The following CNTN3 variants were observed in gnomAD, a reference collection of about 807,000 sequenced individuals.
CNTN3 encodes the protein contactin-3.
A neutral mutation model predicts 119.1 loss-of-function variants in CNTN3; 60 were observed. That is an observed-to-expected ratio of 0.50 (90% CI 0.41 to 0.62). The LOEUF is 0.62. Among genes scored for constraint, CNTN3 ranks in the 20% least tolerant of loss-of-function variants. The pLI is 0.00. For synonymous variants in CNTN3, 450 were observed against 438.7 expected (o/e 1.03, Z -0.32); for missense variants, 1,101 against 1,242.4 (o/e 0.89, Z 1.71).
At chr3:74,277,210 C>A (rs574181632) in intron 20 of CNTN3, among the ~76,000 whole-genome samples, 4 of 151,672 alleles carry the variant, frequency 2.6e-5, no homozygotes, top group South Asian at 2.1e-4. Context: ...CCATTGGAAC[C>A]AATCCTGTTT....
At chr3:74,392,199 G>A (rs1417441313) in intron 5 of CNTN3, among the ~76,000 whole-genome samples, 3 of 152,162 alleles carry the variant, frequency 2.0e-5, no homozygotes, top group Admixed American at 1.3e-4. Context: ...TTTAATTCAA[G>A]GACATTAATT....
At position 74,266,905 on chromosome 3, in the gene CNTN3, C is replaced by T. The variant is rs114854460; in HGVS notation, c.2818-256G>A. Among the ~76,000 whole-genome samples the T allele has an allele frequency of 6.8e-3, 1,035 of 152,142 alleles. 20 individuals carry two copies. The highest frequency in any genetic ancestry group is 0.023 in the African/African-American group (963 of 41,514). Reference sequence around the variant, plus strand: ...CCAGCTGGGCTGCGTATTTATGAGGCTGGAGAGATAAGGCAGGGCCATAGT... The same window carrying T: ...CCAGCTGGGCTGCGTATTTATGAGGTTGGAGAGATAAGGCAGGGCCATAGT... On this transcript the variant is annotated intron_variant, in intron 21 of 22. Transcript: ENST00000263665.
rs565169255 is a variant in CNTN3, at chr3:74,611,870, C to G, written c.-81+2521G>C. On this transcript the variant is annotated intron_variant, in intron 1 of 22. Coordinates refer to ENST00000263665, the MANE Select transcript of CNTN3 (RefSeq NM_020872.3). Reference sequence around the variant, plus strand: ...GGCAGACTGGTGGTGACAACTAAATCAGAGACAGCAGGCAAACATGCACAG... The same window carrying G: ...GGCAGACTGGTGGTGACAACTAAATGAGAGACAGCAGGCAAACATGCACAG... 5.3e-5 allele frequency among the ~76,000 whole-genome samples: 8 copies of G among 152,282 alleles called. No homozygotes were observed. The East Asian group carries it at 1.5e-3, about 29-fold the overall frequency.
intron 4 of CNTN3, among the ~76,000 whole-genome samples, chr3:74,432,433 A>C (rs148339283): frequency 6.6e-6 from 1 of 152,258 alleles, no homozygotes; most frequent in Non-Finnish European, 1.5e-5. Flanking sequence ...GTTTTACAAA[A>C]GTTTACAAAT....
intron 13 of CNTN3, among the ~76,000 whole-genome samples, chr3:74,332,162 T>C (rs534123637): frequency 1.3e-5 from 2 of 152,354 alleles, no homozygotes; most frequent in Admixed American, 6.5e-5. Context: ...GATATATCTA[T>C]GAACCCACTG....
intron 5 of CNTN3, among the ~76,000 whole-genome samples, chr3:74,396,439 A>C (rs1197659665): frequency 6.6e-6 from 1 of 152,208 alleles, no homozygotes; most frequent in Non-Finnish European, 1.5e-5. Context: ...CTTAAGCCAA[A>C]GCCTAATCCA....
At chr3:74,418,850 G>A (rs577690821) in intron 5 of CNTN3, among the ~76,000 whole-genome samples, 48 of 151,246 alleles carry the variant, frequency 3.2e-4, no homozygotes, top group Middle Eastern at 3.4e-3. Flanking sequence ...GTGCAATGGT[G>A]CGATCTCGGC....
rs558839061 is a variant in CNTN3 at position 74,475,308 on chromosome 3, A to G, written c.358+11148T>C. 9.2e-4 allele frequency among the ~76,000 whole-genome samples: 140 copies of G among 152,344 alleles called. 2 individuals carry two copies. The highest frequency in any genetic ancestry group is 3.3e-3 in the African/African-American group (138 of 41,588). On this transcript the variant is annotated intron_variant, in intron 4 of 22. Coordinates refer to ENST00000263665, the MANE Select transcript of CNTN3 (RefSeq NM_020872.3). ...AATACAACAAAATTAAATCAAATGC[A>G]TATCTAAGCAAAAATAGAAAGCCAC...
chr3:74,368,730 C>T (rs1201010990), intron 8 of CNTN3, among the ~76,000 whole-genome samples: 1 of 151,152 alleles, frequency 6.6e-6, no homozygotes, highest in East Asian at 1.9e-4. Context: ...TAGAATAACA[C>T]TGAAGAACTC....
intron 13 of CNTN3, among the ~76,000 whole-genome samples, chr3:74,321,758 A>C (rs1702997593): frequency 6.6e-6 from 1 of 152,230 alleles, no homozygotes; most frequent in Non-Finnish European, 1.5e-5. Context: ...AAAAATTATG[A>C]ACAATGCTAT....
At chr3:74,353,511 C>A (rs1372647754) in intron 11 of CNTN3, among the ~76,000 whole-genome samples, 7 of 152,204 alleles carry the variant, frequency 4.6e-5, no homozygotes, top group African/African-American at 7.2e-5. Context: ...AATCCCAGCA[C>A]TTTGGGAGGC....
Position 74,331,626 on chromosome 3 carries a change from G to A in CNTN3, c.1668+3109C>T, listed in dbSNP as rs9831145. ...ATCTGAATACAAATCCACCTCTTCC[G>A]AAACTGAACCACATCGTGCCTATGA... On this transcript the variant is annotated intron_variant, in intron 13 of 22. Transcript: ENST00000263665. Among the ~76,000 whole-genome samples the A allele has an allele frequency of 1.1e-3, 167 of 152,228 alleles. 1 individual carries two copies. The highest frequency in any genetic ancestry group is 3.3e-3 in the African/African-American group (136 of 41,540).
intron 3 of CNTN3, among the ~76,000 whole-genome samples, chr3:74,488,724 T>G (rs928434563): frequency 1.3e-5 from 2 of 152,192 alleles, no homozygotes; most frequent in Non-Finnish European, 2.9e-5. Context: ...TCCTCAGGTC[T>G]TAAAGCAACA....
chr3:74,588,582 C>A (rs1704640666), intron 1 of CNTN3, among the ~76,000 whole-genome samples: 1 of 152,052 alleles, frequency 6.6e-6, no homozygotes, highest in African/African-American at 2.4e-5. Flanking sequence ...CAATGACTTT[C>A]TTCACAGAAT....
At chr3:74,567,595 G>C (rs954090481) in intron 1 of CNTN3, among the ~76,000 whole-genome samples, 1 of 152,042 alleles carries the variant, frequency 6.6e-6, no homozygotes, top group African/African-American at 2.4e-5. Flanking sequence ...GATACCTACA[G>C]ATTTGCTACT....
chr3:74,430,939 G>A (rs1441572120), intron 4 of CNTN3, among the ~76,000 whole-genome samples: 1 of 152,102 alleles, frequency 6.6e-6, no homozygotes, highest in Non-Finnish European at 1.5e-5. Context: ...GCCATCAGCT[G>A]TGTGTGCTAC....
intron 2 of CNTN3, among the ~76,000 whole-genome samples, chr3:74,519,788 TTGA>T (rs1703511711): frequency 6.6e-6 from 1 of 151,734 alleles, no homozygotes; most frequent in Admixed American, 6.6e-5. Flanking sequence ...TCCTCAGTAC[TTGA>T]TGAGTAGCAG....
intron 5 of CNTN3, among the ~76,000 whole-genome samples, chr3:74,378,131 A>G (rs1353237164): frequency 1.3e-5 from 2 of 152,218 alleles, no homozygotes; most frequent in Non-Finnish European, 2.9e-5. Flanking sequence ...GATTTTTATC[A>G]CCGATTCATA....
rs1438825586 is a variant in CNTN3 at position 74,424,901 on chromosome 3, G to C, written c.398C>G (p.Ser133Cys). Residue 133 changes from serine to cysteine, a missense_variant, in exon 5 of 23, where the codon TCT becomes TGT. Ser to Cys is a moderately radical substitution (Grantham distance 112, BLOSUM62 -1). Coordinates refer to ENST00000263665, the MANE Select transcript of CNTN3 (RefSeq NM_020872.3). Reference protein sequence around the residue: ...NFKTKMRSTVSVREGQGVVLL... With the variant: ...NFKTKMRSTVCVREGQGVVLL... Reference sequence around the variant, plus strand: ...CACAACTCCCTGGCCTTCACGCACAGACACTGTACTCCTCATTTTGGTTTT... The same window carrying C: ...CACAACTCCCTGGCCTTCACGCACACACACTGTACTCCTCATTTTGGTTTT... 1.2e-6 allele frequency: 2 copies of C among 1,613,194 alleles called. No homozygotes were observed. Among genetic ancestry groups the C allele is most frequent in the South Asian group, 2.2e-5 (2 of 90,900 alleles).
Sources: allele counts gnomAD v4.1 joint callset (sites outside exome capture counted in the v4.1 genomes callset), GRCh38; gene constraint gnomAD v4.1.1; transcripts MANE v1.5; gene names NCBI Gene and HGNC (gene_info 2026-07-23, HGNC 2026-07-21).